Variants in SKOR2 observed in about 807,000 individuals in gnomAD.
The protein encoded by SKOR2 is LBX1 corepressor 1-like protein.
SKOR2 carries 47 observed loss-of-function variants against 69.1 expected under a neutral mutation model. That is an observed-to-expected ratio of 0.68 (90% CI 0.54 to 0.87). SKOR2 has a LOEUF of 0.87. Among genes scored for constraint, SKOR2 ranks in the 40% least tolerant of loss-of-function variants. The pLI is 0.00. For synonymous variants in SKOR2, 717 were observed against 672.6 expected, an observed-to-expected ratio of 1.07 and a Z score of -1.02; for missense variants, 1,404 against 1,472.2, an observed-to-expected ratio of 0.95 and a Z score of 0.76.
chr18:47,234,459 C>G (rs1881927352), intron 4 of SKOR2: 1 of 152,150 alleles, frequency 6.6e-6, no homozygotes. Context: ...TGGACTGCTT[C>G]AGAAATTTGT....
In SKOR2 at chr18:47,245,495, T is replaced by TTTTTTTTTTTTTTTTTTTTTTTTTTTTTA; in HGVS notation, c.2677+2_2677+3insTAAAAAAAAAAAAAAAAAAAAAAAAAAAA. ...GGCAGCTGATTTTTTTTTTTTTTTTTACCTGAAAAGCTGTTGTCATCCTTT... is the reference window on the plus strand; with the variant it reads ...GGCAGCTGATTTTTTTTTTTTTTTTTTTTTTTTTTTTTTTTTTTTTTTTTTTTTAACCTGAAAAGCTGTTGTCATCCTTT... On this transcript the variant is annotated splice_region_variant and intron_variant, in intron 3 of 8. Coordinates refer to ENST00000425639, the MANE Select transcript of SKOR2 (RefSeq NM_001278063.4). The TTTTTTTTTTTTTTTTTTTTTTTTTTTTTA allele has an allele frequency of 6.8e-7, 1 of 1,470,348 alleles. No homozygotes were observed. The highest frequency in any genetic ancestry group is 1.5e-5 in the African/African-American group (1 of 67,660). 91.1% of individuals were successfully genotyped at this position (1,470,348 alleles called of 1,614,324 possible).
chr18:47,220,029 A>G lies in SKOR2; in HGVS notation c.2918-19T>C, dbSNP rs1156696755. On this transcript the variant is annotated intron_variant, in intron 6 of 8. Transcript: ENST00000425639. ...AAATTATCTGGTAGGAGAGAGAGAT[A>G]GAGAAAGATTAACTAAAGTGTAAAA... is the stretch of plus-strand genomic sequence containing the variant. 2.0e-6 allele frequency: 3 copies of G among 1,527,990 alleles called. No individual in the cohort carries two copies. Among genetic ancestry groups the G allele is most frequent in the African/African-American group, 2.7e-5 (2 of 72,788 alleles). The allele number at this position is 1,527,990 out of a possible 1,614,324, so 94.7% of individuals were successfully genotyped here.
intron 7 of SKOR2, among the ~76,000 whole-genome samples, chr18:47,217,958 C>A (rs2064149339): frequency 6.6e-6 from 1 of 152,064 alleles, no homozygotes; most frequent in Non-Finnish European, 1.5e-5. Context: ...TAGATGAATA[C>A]ATGTTGTAAA....
At position 47,220,024 on chromosome 18, in the gene SKOR2, G is replaced by A. The variant is rs1399860121; in HGVS notation, c.2918-14C>T. 1 of 1,530,434 alleles carries A rather than the reference G, an allele frequency of 6.5e-7. No homozygotes were observed. Among genetic ancestry groups the A allele is most frequent in the Non-Finnish European group, 8.7e-7 (1 of 1,143,268 alleles). The allele number at this position is 1,530,434 out of a possible 1,614,324, so 94.8% of individuals were successfully genotyped here. A position where few individuals can be genotyped will look rare whatever the true frequency, so the allele number is the denominator to read the frequency against. On this transcript the variant is annotated splice_polypyrimidine_tract_variant and intron_variant, in intron 6 of 8. Coordinates refer to ENST00000425639, the MANE Select transcript of SKOR2 (RefSeq NM_001278063.4). ...CCTGAAAATTATCTGGTAGGAGAGA[G>A]AGATAGAGAAAGATTAACTAAAGTG...
chr18:47,220,678 C>T (rs2064158576), intron 6 of SKOR2, among the ~76,000 whole-genome samples: 1 of 152,098 alleles, frequency 6.6e-6, no homozygotes, highest in Non-Finnish European at 1.5e-5. Flanking sequence ...TACATATTGA[C>T]CATATTTATT....
intron 4 of SKOR2, among the ~76,000 whole-genome samples, chr18:47,232,839 C>T (rs1259724469): frequency 6.6e-6 from 1 of 152,162 alleles, no homozygotes; most frequent in Non-Finnish European, 1.5e-5. Flanking sequence ...CAGCAAAAAC[C>T]AAAATGTAAT....
chr18:47,238,000 C>A (rs144077796), intron 4 of SKOR2, among the ~76,000 whole-genome samples: 1,597 of 152,152 alleles, frequency 0.01, 15 homozygotes, highest in Middle Eastern at 0.071. Flanking sequence ...TTCATCCCTA[C>A]TTGGTTTCCT....
chr18:47,215,715 C>A (rs1017111116), intron 7 of SKOR2, among the ~76,000 whole-genome samples: 2 of 152,076 alleles, frequency 1.3e-5, no homozygotes, highest in African/African-American at 4.8e-5. Context: ...CGTGTGACTG[C>A]AGAATTCTGG....
chr18:47,237,788 C>G (rs2064231043), intron 4 of SKOR2, among the ~76,000 whole-genome samples: 1 of 150,374 alleles, frequency 6.7e-6, no homozygotes, highest in African/African-American at 2.4e-5. Flanking sequence ...GCCTGTCCTT[C>G]TGGGCTCATG....
In SKOR2 at chr18:47,246,563, A is replaced by C; in HGVS notation, c.2613+8T>G. 6.6e-7 allele frequency: 1 copy of C among 1,512,002 alleles called. No homozygotes were observed. Among genetic ancestry groups the C allele is most frequent in the Non-Finnish European group, 8.8e-7 (1 of 1,137,958 alleles). 93.7% of individuals were successfully genotyped at this position (1,512,002 alleles called of 1,614,324 possible). ...ATTAGCTTGAAGGAGCCTAAAGGGG[A>C]TATTTACATCTTTGTAGGAGGGCTG... On this transcript the variant is annotated splice_region_variant and intron_variant, in intron 2 of 8. Transcript: ENST00000425639.
At chr18:47,225,766 A>G (rs371683795) in intron 6 of SKOR2, among the ~76,000 whole-genome samples, 1 of 152,242 alleles carries the variant, frequency 6.6e-6, no homozygotes. Flanking sequence ...TCTGGACTAG[A>G]GGAACACGGT....
At chr18:47,249,673 G>T (rs1274684765) in intron 1 of SKOR2, among the ~76,000 whole-genome samples, 3 of 152,128 alleles carry the variant, frequency 2.0e-5, no homozygotes, top group Non-Finnish European at 4.4e-5. Flanking sequence ...CTTGGAGATA[G>T]ATTGATTTTG....
At position 47,248,342 on chromosome 18, in the gene SKOR2, A is replaced by C. The variant is rs2064293299; in HGVS notation, c.842T>G (p.Leu281Arg). 2 of 1,210,782 alleles carry C rather than the reference A, an allele frequency of 1.7e-6. No individual in the cohort carries two copies. Among genetic ancestry groups the C allele is most frequent in the Non-Finnish European group, 2.0e-6 (2 of 978,222 alleles). The allele number at this position is 1,210,782 out of a possible 1,614,324, so 75.0% of individuals were successfully genotyped here. The change falls in exon 2 of 9, where the codon CTG becomes CGG. Residue 281 changes from leucine to arginine, a missense_variant. Transcript: ENST00000425639. This position sits in a 1 kb window ranked among gnomAD's most constrained non-coding sequence, Gnocchi z 6.4. ...AGGGGLLGPH[L>R]LGAPPPPPPP... is the part of the protein sequence containing the mutation. ...CGGCGGCGGCGGGGGCGCACCCAGC[A>C]GGTGGGGGCCCAGCAGACCCCCGCC...
In SKOR2 at chr18:47,230,974, G is replaced by C. The variant is rs746450797; in HGVS notation, c.2779C>G (p.Pro927Ala). 5 of 1,535,926 alleles carry C rather than the reference G, an allele frequency of 3.3e-6. No individual in the cohort carries two copies. The Admixed American group carries it at 9.8e-5, about 30-fold the overall frequency. Residue 927 changes from proline to alanine, a missense_variant, in exon 5 of 9, where the codon CCT (proline) becomes GCT (alanine). Around this residue, in one of 3 missense-constraint regions of SKOR2, gnomAD observed 1,266 missense variants for 1,309.9 expected, o/e 0.97. Transcript: ENST00000425639. ...TCTACATCCTTTTTCAGTGAATGAG[G>C]TGAGTTGGTTTCTTGTGTATGTTCA... Reference protein sequence around the residue: ...SGEHTQETNSPHSLKKDVENM... With the variant: ...SGEHTQETNSAHSLKKDVENM...
chr18:47,208,827 C>T (rs976819817), intron 8 of SKOR2, among the ~76,000 whole-genome samples: 1 of 152,030 alleles, frequency 6.6e-6, no homozygotes, highest in Non-Finnish European at 1.5e-5. Context: ...ATACGAAGAG[C>T]GGTACAATGT....
chr18:47,235,171 C>A (rs187443742), intron 4 of SKOR2, among the ~76,000 whole-genome samples: 1 of 151,972 alleles, frequency 6.6e-6, no homozygotes, highest in Non-Finnish European at 1.5e-5. Context: ...TACCAGACTG[C>A]GCAACATGGC....
intron 1 of SKOR2, among the ~76,000 whole-genome samples, chr18:47,251,110 G>A (rs2064310558): frequency 7.3e-6 from 1 of 137,930 alleles, no homozygotes. Context: ...TTTGGTTGGG[G>A]CATTATTTTT....
intron 8 of SKOR2, among the ~76,000 whole-genome samples, chr18:47,207,672 C>T (rs2144469952): frequency 6.6e-6 from 1 of 152,290 alleles, no homozygotes; most frequent in South Asian, 2.1e-4. Context: ...GAATGTACCA[C>T]TCCCCCTCTT....
intron 4 of SKOR2, among the ~76,000 whole-genome samples, chr18:47,240,161 C>T (rs984666002): frequency 1.3e-5 from 2 of 152,102 alleles, no homozygotes; most frequent in African/African-American, 4.8e-5. Flanking sequence ...AACTTCTATA[C>T]ATATAAAAAG....
Sources: allele counts gnomAD v4.1 joint callset (sites outside exome capture counted in the v4.1 genomes callset), GRCh38; gene constraint gnomAD v4.1.1; regional missense constraint gnomAD v4.1.1; non-coding constraint Gnocchi (gnomAD v3.1); transcripts MANE v1.5; gene names NCBI Gene and HGNC (gene_info 2026-07-23, HGNC 2026-07-21).